Variants in TENM2 observed in about 807,000 individuals in gnomAD.
TENM2 encodes teneurin-2.
A neutral mutation model predicts 245.2 loss-of-function variants in TENM2; 52 were observed. The observed-to-expected ratio is 0.21, with a 90% confidence interval of 0.17 to 0.27. The LOEUF is 0.27. Ranked by LOEUF, TENM2 falls within the 10% of genes least tolerant of loss-of-function variation. The pLI is 1.00. For synonymous variants in TENM2, 1,363 were observed against 1,438.9 expected, an observed-to-expected ratio of 0.95 and a Z score of 1.19; for missense variants, 3,046 against 3,666.8, an observed-to-expected ratio of 0.83 and a Z score of 4.37.
At chr5:168,246,701 A>T in intron 26 of TENM2, 56 bp from the exon 29 acceptor site, 2 of 1,523,646 alleles carry the variant, frequency 1.3e-6, no homozygotes, top group Non-Finnish European at 1.8e-6. Flanking sequence ...TGTCTGTTTG[A>T]ATGCTTGGTC....
At chr5:167,462,165 G>A (rs1370868151) in intron 2 of TENM2, among the ~76,000 whole-genome samples, 2 of 129,764 alleles carry the variant, frequency 1.5e-5, no homozygotes, top group Non-Finnish European at 3.3e-5. Context: ...TGAAACGGGA[G>A]AGTTCCCTGA....
At chr5:167,836,970 T>C (rs1769056087) in intron 2 of TENM2, among the ~76,000 whole-genome samples, 1 of 152,224 alleles carries the variant, frequency 6.6e-6, no homozygotes, top group African/African-American at 2.4e-5. Flanking sequence ...TATAAACTAC[T>C]GTCATTTTCC....
intron 2 of TENM2, among the ~76,000 whole-genome samples, chr5:167,417,206 C>T (rs768420869): frequency 6.6e-6 from 1 of 152,138 alleles, no homozygotes; most frequent in Non-Finnish European, 1.5e-5. Flanking sequence ...CCTTCCAGCT[C>T]ACTAGCACTC....
At chr5:168,007,313 G>C (rs925003138) in intron 5 of TENM2, among the ~76,000 whole-genome samples, 1 of 152,148 alleles carries the variant, frequency 6.6e-6, no homozygotes, top group African/African-American at 2.4e-5. Flanking sequence ...ATTTTTAGTA[G>C]AGACGTGGTT....
intron 2 of TENM2, among the ~76,000 whole-genome samples, chr5:167,464,630 G>C (rs911476573): frequency 4.6e-5 from 7 of 152,044 alleles, no homozygotes. Flanking sequence ...AGGGTGAAGA[G>C]CTATAAATGC....
chr5:167,830,054 C>T (rs2151087410), intron 2 of TENM2, among the ~76,000 whole-genome samples: 1 of 152,336 alleles, frequency 6.6e-6, no homozygotes, highest in South Asian at 2.1e-4. Context: ...TTCCATGTGA[C>T]TTCACATCCT....
At chr5:167,628,957 G>A (rs972685911) in intron 2 of TENM2, among the ~76,000 whole-genome samples, 2 of 152,162 alleles carry the variant, frequency 1.3e-5, no homozygotes, top group African/African-American at 4.8e-5. Context: ...TTTGGCCACA[G>A]TCAAATCTGG....
At chr5:167,962,035 T>C (rs1228005144) in intron 4 of TENM2, among the ~76,000 whole-genome samples, 2 of 152,238 alleles carry the variant, frequency 1.3e-5, no homozygotes, top group Non-Finnish European at 2.9e-5. Context: ...TTATTTTGAA[T>C]AACTTTTTGT....
chr5:167,288,415 C>T lies in TENM2; in HGVS notation c.226+3352C>T, dbSNP rs898498639. 9.9e-5 allele frequency among the ~76,000 whole-genome samples: 15 copies of T among 152,118 alleles called. No individual in the cohort carries two copies. In the South Asian group the frequency reaches 2.5e-3, roughly 25 times the overall value. The stretch of plus-strand genomic sequence containing the variant: ...TCTACTAAAAATACAAAAAATTAGT[C>T]GGGCGCGGTGGCGGGCGCCTGTAGT... On this transcript the variant is annotated intron_variant, in intron 1 of 28. Coordinates refer to ENST00000518659, the Ensembl canonical transcript of TENM2.
intron 2 of TENM2, among the ~76,000 whole-genome samples, chr5:167,631,078 TG>T: frequency 6.6e-6 from 1 of 152,304 alleles, no homozygotes; most frequent in East Asian, 1.9e-4. Context: ...CCTTTGGGCC[TG>T]CCACAGCTGA....
chr5:167,876,355 T>G (rs574268096), intron 3 of TENM2, among the ~76,000 whole-genome samples, 160 bp downstream of exon 5: 17 of 152,328 alleles, frequency 1.1e-4, no homozygotes, highest in Non-Finnish European at 1.9e-4. Flanking sequence ...ATTTTCAAGA[T>G]ACATCTGTAG....
At chr5:167,408,246 T>C (rs1342723012) in intron 2 of TENM2, among the ~76,000 whole-genome samples, 1 of 152,140 alleles carries the variant, frequency 6.6e-6, no homozygotes, top group African/African-American at 2.4e-5. Flanking sequence ...AGAAGGAAGC[T>C]TGGAACTGGA....
chr5:167,696,393 A>G (rs141976549), intron 2 of TENM2, among the ~76,000 whole-genome samples: 41 of 152,328 alleles, frequency 2.7e-4, no homozygotes, highest in African/African-American at 8.9e-4. Context: ...AAAACTTGTG[A>G]TGAGTCCTGA....
chr5:167,956,516 G>A (rs1318133390), intron 4 of TENM2, among the ~76,000 whole-genome samples: 1 of 152,166 alleles, frequency 6.6e-6, no homozygotes, highest in African/African-American at 2.4e-5. Flanking sequence ...ATGTTGAATA[G>A]GAGTGGTGAG....
At chr5:167,141,635 A>G in the TENM2 span, among the ~76,000 whole-genome samples, 2 of 152,188 alleles carry the variant, frequency 1.3e-5, no homozygotes, top group Admixed American at 1.3e-4. Context: ...GACTCTCATA[A>G]TGAATTATTC....
chr5:167,189,955 A>T, the TENM2 span, among the ~76,000 whole-genome samples: 1 of 152,094 alleles, frequency 6.6e-6, no homozygotes, highest in African/African-American at 2.4e-5. Flanking sequence ...TGAAAGTCTA[A>T]AATTTAAAGA....
intron 3 of TENM2, among the ~76,000 whole-genome samples, chr5:167,929,122 AAAGAAAGAAAAGAAAG>A (rs1778074541): frequency 8.8e-6 from 1 of 113,454 alleles, no homozygotes; most frequent in Non-Finnish European, 1.9e-5. Flanking sequence ...AGAAAGAAAG[AAAGAAAGAAAAGAAAG>A]AAGGGAGGGA....
chr5:167,462,175 A>T (rs1386302306), intron 2 of TENM2, among the ~76,000 whole-genome samples: 1 of 52,902 alleles, frequency 1.9e-5, no homozygotes, highest in Non-Finnish European at 3.6e-5. Context: ...GAGTTCCCTG[A>T]CCCCCACCCC....
intron 5 of TENM2, among the ~76,000 whole-genome samples, chr5:168,025,144 T>C (rs1212297107): frequency 6.6e-6 from 1 of 152,224 alleles, no homozygotes; most frequent in Non-Finnish European, 1.5e-5. Flanking sequence ...GGGACTCACA[T>C]GCAAATGGAA....
Sources: allele counts gnomAD v4.1 joint callset (sites outside exome capture counted in the v4.1 genomes callset), GRCh38; gene constraint gnomAD v4.1.1; transcripts MANE v1.5; gene names NCBI Gene and HGNC (gene_info 2026-07-23, HGNC 2026-07-21).